The following USH2A variants were observed in gnomAD, a reference collection of about 807,000 sequenced individuals.
USH2A encodes Usher syndrome 2A (autosomal recessive, mild).
USH2A carries 443 observed loss-of-function variants against 538.9 expected under a neutral mutation model. The observed-to-expected ratio is 0.82, with a 90% CI of 0.76 to 0.89. USH2A has a LOEUF of 0.89. Ranked by LOEUF, USH2A falls within the 40% of genes least tolerant of loss-of-function variation. The pLI is 0.00. For synonymous variants in USH2A, 2,413 were observed against 2,273.5 expected, an observed-to-expected ratio of 1.06 and a Z score of -1.75; for missense variants, 6,633 against 6,324.8, an observed-to-expected ratio of 1.05 and a Z score of -1.65.
intron 11 of USH2A, among the ~76,000 whole-genome samples, chr1:216,288,811 T>C (rs2036939467): frequency 1.3e-5 from 2 of 152,138 alleles, no homozygotes; most frequent in East Asian, 1.9e-4. Flanking sequence ...GTTTTAAAAT[T>C]ATAAAAAATC....
At chr1:216,221,043 C>G (rs1418190779) in intron 14 of USH2A, among the ~76,000 whole-genome samples, 1 of 152,062 alleles carries the variant, frequency 6.6e-6, no homozygotes, top group Non-Finnish European at 1.5e-5. Flanking sequence ...CCATCAGTCC[C>G]TAACACAAAG....
At chr1:215,845,758 C>T (rs952670327) in intron 45 of USH2A, 66 bp downstream of exon 45, 1 of 1,552,906 alleles carries the variant, frequency 6.4e-7, no homozygotes, top group Non-Finnish European at 8.8e-7. Context: ...TGATCTCAAC[C>T]CCGGCAAGAA....
intron 40 of USH2A, among the ~76,000 whole-genome samples, 183 bp from the exon 41 acceptor site, chr1:215,889,237 G>T (rs78938417): frequency 6.6e-6 from 1 of 152,104 alleles, no homozygotes; most frequent in Admixed American, 6.6e-5. Flanking sequence ...TAAATTTTGC[G>T]TGTGAAATAC....
chr1:215,998,764 C>T lies in USH2A; in HGVS notation c.6657+123G>A, dbSNP rs28588034. On this transcript the variant is annotated intron_variant, in intron 34 of 71. Coordinates refer to ENST00000307340, the MANE Select transcript of USH2A (RefSeq NM_206933.4). ...ATGGGAAGAGAGTTTTCAGTATAAA[C>T]AGCAATACATGAAGATTTTGACTTT... The T allele has an allele frequency of 8.5e-3, 8,811 of 1,037,906 alleles. 487 individuals are homozygous for T. The African/African-American group carries it at 0.13, about 15-fold the overall frequency. The allele number at this position is 1,037,906 out of a possible 1,614,324, so 64.3% of individuals were successfully genotyped here.
intron 21 of USH2A, among the ~76,000 whole-genome samples, chr1:216,110,534 G>C (rs907360874): frequency 6.6e-6 from 1 of 152,122 alleles, no homozygotes; most frequent in Non-Finnish European, 1.5e-5. Flanking sequence ...ATACATGTTT[G>C]CTCTGAATAA....
At chr1:216,234,963 G>A (rs539044056) in intron 13 of USH2A, among the ~76,000 whole-genome samples, 1 of 152,196 alleles carries the variant, frequency 6.6e-6, no homozygotes, top group South Asian at 2.1e-4. Flanking sequence ...TTGCCTTGGG[G>A]TTAATTCCCC....
At chr1:215,762,569 GA>G (rs1661009412) in intron 56 of USH2A, among the ~76,000 whole-genome samples, 1 of 152,150 alleles carries the variant, frequency 6.6e-6, no homozygotes, top group South Asian at 2.1e-4. Context: ...TATATAACTA[GA>G]AAGTGCTGCA....
chr1:215,795,978 A>G (rs1213904111), intron 50 of USH2A, among the ~76,000 whole-genome samples: 1 of 151,410 alleles, frequency 6.6e-6, no homozygotes, highest in Admixed American at 6.6e-5. Flanking sequence ...TAATAAATCT[A>G]TAACATTCTA....
chr1:215,657,878 G>A (rs1657312034), intron 64 of USH2A, among the ~76,000 whole-genome samples: 1 of 151,472 alleles, frequency 6.6e-6, no homozygotes, highest in South Asian at 2.1e-4. Context: ...TCTAATACCT[G>A]AAGAAGGAAA....
At chr1:216,134,216 A>C (rs1214355051) in intron 21 of USH2A, among the ~76,000 whole-genome samples, 1 of 152,162 alleles carries the variant, frequency 6.6e-6, no homozygotes, top group East Asian at 1.9e-4. Flanking sequence ...CATATAGAAC[A>C]TAAAAGTTTT....
In USH2A at chr1:216,029,628, T is replaced by C. The variant is rs115099214; in HGVS notation, c.6325+16803A>G. Among the ~76,000 whole-genome samples the C allele has an allele frequency of 6.9e-3, 1,054 of 152,030 alleles. 13 individuals carry two copies. The highest frequency in any genetic ancestry group is 0.024 in the African/African-American group (995 of 41,516). On this transcript the variant is annotated intron_variant, in intron 32 of 71. Transcript: ENST00000307340. ...TAAGCAAGGTAACTGAAACAGAAGA[T>C]AAAACAGTGTACAAACCAGGATATA...
In USH2A at chr1:216,200,062, C is replaced by T. The variant is rs776768399; in HGVS notation, c.3376G>A (p.Glu1126Lys). 1.9e-6 allele frequency: 3 copies of T among 1,610,498 alleles called. No individual in the cohort carries two copies. The highest frequency in any genetic ancestry group is 2.2e-5 in the South Asian group (2 of 90,924). Residue 1126 changes from glutamate to lysine, a missense_variant, in exon 17 of 72, where the codon GAG becomes AAG. By Grantham distance (56) the Glu-to-Lys change is moderately conservative (BLOSUM62 1). Transcript: ENST00000307340. Reference sequence around the variant, plus strand: ...GTTGAACCATGCACATTGGTGGTCTCAATGTAATAGGAATATTTGGTATAT... The same window carrying T: ...GTTGAACCATGCACATTGGTGGTCTTAATGTAATAGGAATATTTGGTATAT... ...LPYTKYSYYI[E>K]TTNVHGSTRS...
intron 35 of USH2A, among the ~76,000 whole-genome samples, chr1:215,986,584 A>T (rs1382708375): frequency 2.0e-5 from 3 of 152,134 alleles, no homozygotes; most frequent in Non-Finnish European, 4.4e-5. Context: ...AAATCTACAG[A>T]TTACCAGGCT....
At chr1:216,349,050 T>C (rs1334821762) in intron 4 of USH2A, among the ~76,000 whole-genome samples, 3 of 152,162 alleles carry the variant, frequency 2.0e-5, no homozygotes, top group Non-Finnish European at 4.4e-5. Context: ...GCGGAATGTA[T>C]TGCTGTTATA....
chr1:216,110,183 A>T (rs2032833415), intron 21 of USH2A, among the ~76,000 whole-genome samples: 1 of 151,850 alleles, frequency 6.6e-6, no homozygotes, highest in Admixed American at 6.6e-5. Context: ...TAACAAAAAC[A>T]AAACAAAACA....
intron 61 of USH2A, among the ~76,000 whole-genome samples, chr1:215,724,661 C>T (rs546650661): frequency 1.3e-5 from 2 of 152,232 alleles, no homozygotes; most frequent in East Asian, 1.9e-4. Flanking sequence ...GCAGCAGAAA[C>T]GCAGCTGCAA....
chr1:216,095,957 T>C (rs1001227296), intron 22 of USH2A, among the ~76,000 whole-genome samples: 12 of 152,182 alleles, frequency 7.9e-5, no homozygotes, highest in African/African-American at 2.9e-4. Flanking sequence ...TAACGTGTGA[T>C]TTAGATCATC....
intron 21 of USH2A, among the ~76,000 whole-genome samples, chr1:216,155,291 C>T (rs2033915210): frequency 1.3e-5 from 2 of 152,042 alleles, no homozygotes; most frequent in Non-Finnish European, 2.9e-5. Flanking sequence ...ACGGGAGGGG[C>T]CTGAATGCTG....
In USH2A at chr1:215,878,930, CT is replaced by C. The variant is rs1553272176; in HGVS notation, c.8391del (p.Gly2799ValfsTer31). The C allele has an allele frequency of 6.2e-7, 1 of 1,614,012 alleles. No homozygotes were observed. The highest frequency in any genetic ancestry group is 1.1e-5 in the South Asian group (1 of 91,068). On this transcript the variant is annotated frameshift_variant, in exon 42 of 72. Transcript: ENST00000307340. LOFTEE classifies it high-confidence loss of function. ...TNYSVTIVAC[S>X]GGNGYLGGCT... ...CACCCTCCAAGGTACCCATTACCCC[CT>C]GAGCAAGCAACAATGGTGACAGAAT...
Sources: gnomAD v4.1 joint callset for allele counts (sites outside exome capture counted in the v4.1 genomes callset) on GRCh38, gnomAD v4.1.1 for gene constraint, MANE v1.5 for transcripts, NCBI Gene and HGNC (gene_info 2026-07-23, HGNC 2026-07-21) for gene names.